SCN8A: variants seen among roughly 807,000 people sequenced by gnomAD.
SCN8A encodes sodium voltage-gated channel alpha subunit 8.
In SCN8A, 30 loss-of-function variants were observed where a neutral mutation model predicts 184.1. The ratio of observed to expected loss-of-function variants is 0.16; its 90% confidence interval spans 0.12 to 0.22. The LOEUF (loss-of-function observed/expected upper bound fraction) is 0.22, where lower values mean the gene tolerates loss of function less well. Ranked by LOEUF, SCN8A falls within the 10% of genes least tolerant of loss-of-function variation. The pLI is 1.00. For synonymous variants in SCN8A, 852 were observed against 907.0 expected (o/e 0.94, Z 1.09); for missense variants, 1,057 against 2,498.9 (o/e 0.42, Z 12.30).
Position 51,658,845 on chromosome 12 carries a change from A to G in SCN8A, c.-54-3919A>G, listed in dbSNP as rs2138665278. 2.0e-5 allele frequency among the ~76,000 whole-genome samples: 3 copies of G among 152,276 alleles called. No homozygotes were observed. In the South Asian group the frequency reaches 6.2e-4, roughly 32 times the overall value. Reference sequence around the variant, plus strand: ...AAAAATACGAGATGCTGCTATACCCACCAGAGTGGGTAAAATTCAGAAGAC... The same window carrying G: ...AAAAATACGAGATGCTGCTATACCCGCCAGAGTGGGTAAAATTCAGAAGAC... On this transcript the variant is annotated intron_variant, in intron 1 of 26. Coordinates refer to ENST00000627620, the MANE Select transcript of SCN8A (RefSeq NM_001330260.2).
intron 26 of SCN8A, among the ~76,000 whole-genome samples, chr12:51,794,992 AG>A (rs1938370064): frequency 3.9e-5 from 6 of 152,190 alleles, no homozygotes; most frequent in Admixed American, 1.3e-4. Context: ...ATAAAATGAA[AG>A]AAGGAATGAT....
chr12:51,734,903 T>A (rs763874593), intron 12 of SCN8A, among the ~76,000 whole-genome samples: 2 of 152,270 alleles, frequency 1.3e-5, no homozygotes, highest in Non-Finnish European at 2.9e-5. Flanking sequence ...TACTAGCTGC[T>A]AATTTGTCTG....
chr12:51,632,810 C>G (rs947800190), intron 1 of SCN8A, among the ~76,000 whole-genome samples: 7 of 152,122 alleles, frequency 4.6e-5, no homozygotes, highest in Non-Finnish European at 1.0e-4. Context: ...TTTGAACAAG[C>G]CTTTTTTGTT....
rs2138943594 is a variant in SCN8A at position 51,806,878 on chromosome 12, G to A, written c.5392G>A (p.Asp1798Asn). Reference protein sequence around the residue: ...FYEIWEKFDPDATQFIEYCKL... With the variant: ...FYEIWEKFDPNATQFIEYCKL... ...TGAGATCTGGGAGAAGTTCGACCCC[G>A]ATGCCACCCAGTTCATTGAGTACTG... The change falls in exon 27 of 27, where the codon GAT (aspartate) becomes AAT (asparagine). Residue 1798 changes from aspartate to asparagine, a missense_variant. By Grantham distance (23) the Asp-to-Asn change is conservative (BLOSUM62 1). Transcript: ENST00000627620. This position sits in a 1 kb window ranked among gnomAD's most constrained non-coding sequence, Gnocchi z 8.7. 7 of 1,613,578 alleles carry A rather than the reference G, an allele frequency of 4.3e-6. No individual in the cohort carries two copies. The highest frequency in any genetic ancestry group is 5.9e-6 in the Non-Finnish European group (7 of 1,179,554).
intron 11 of SCN8A, among the ~76,000 whole-genome samples, chr12:51,714,596 G>T (rs1242128836): frequency 6.6e-6 from 1 of 152,088 alleles, no homozygotes; most frequent in Non-Finnish European, 1.5e-5. Context: ...ACCTCCGGGG[G>T]TCTCCAGACC....
rs1046277796 is a variant in SCN8A at position 51,811,917 on chromosome 12, C to T, written c.*4488C>T. The T allele has an allele frequency of 6.6e-6, 1 of 152,152 alleles. No individual in the cohort carries two copies. The highest frequency in any genetic ancestry group is 2.4e-5 in the African/African-American group (1 of 41,412). 9.4% of individuals were successfully genotyped at this position (152,152 alleles called of 1,614,324 possible). A position where few individuals can be genotyped will look rare whatever the true frequency, so the allele number is the denominator to read the frequency against. On this transcript the variant is annotated 3_prime_UTR_variant, in exon 27 of 27. Coordinates refer to ENST00000627620, the MANE Select transcript of SCN8A (RefSeq NM_001330260.2). ...GCCTCTTTCTTTTCTCAGATGTTGC[C>T]CACAGTTTAGCAAAAAGCTTCGTTC...
chr12:51,757,822 A>G (rs1178587823), intron 14 of SCN8A, among the ~76,000 whole-genome samples: 5 of 152,168 alleles, frequency 3.3e-5, no homozygotes, highest in South Asian at 2.1e-4. Flanking sequence ...AACTAGAAAG[A>G]TATGATGACT....
At chr12:51,761,811 A>C (rs1303500871) in intron 14 of SCN8A, among the ~76,000 whole-genome samples, 1 of 152,116 alleles carries the variant, frequency 6.6e-6, no homozygotes, top group African/African-American at 2.4e-5. Flanking sequence ...TTATACAGGC[A>C]GTAAGAGTGA....
chr12:51,754,119 A>G (rs1942636931), intron 14 of SCN8A, among the ~76,000 whole-genome samples: 1 of 152,192 alleles, frequency 6.6e-6, no homozygotes. Flanking sequence ...AGATAATTCA[A>G]TCCAATCCAC....
intron 1 of SCN8A, among the ~76,000 whole-genome samples, chr12:51,597,990 T>C (rs966629928): frequency 1.3e-5 from 2 of 152,188 alleles, no homozygotes; most frequent in Non-Finnish European, 2.9e-5. Context: ...CAAATGAGAC[T>C]GATAGGGCAT....
At chr12:51,786,402 G>A (rs1938086571) in intron 21 of SCN8A, 140 bp from the exon 22 acceptor site, 3 of 965,440 alleles carry the variant, frequency 3.1e-6, no homozygotes, top group Non-Finnish European at 4.6e-6. Context: ...TTGTCAGTCT[G>A]TCCAGTTACT....
intron 2 of SCN8A, among the ~76,000 whole-genome samples, chr12:51,665,053 G>A (rs1941006169): frequency 6.6e-6 from 1 of 152,172 alleles, no homozygotes; most frequent in South Asian, 2.1e-4. Context: ...CCCTGCAAAG[G>A]ACATGATCTC....
In SCN8A at chr12:51,806,734, A is replaced by G. The variant is rs1938712189; in HGVS notation, c.5248A>G (p.Ile1750Val). The G allele has an allele frequency of 6.2e-7, 1 of 1,614,162 alleles. No individual in the cohort carries two copies. Among genetic ancestry groups the G allele is most frequent in the South Asian group, 1.1e-5 (1 of 91,082 alleles). Reference sequence around the variant, plus strand: ...GGGCATCTTCTTCTTTGTAAGCTACATCATCATCTCTTTCCTAATTGTCGT... The same window carrying G: ...GGGCATCTTCTTCTTTGTAAGCTACGTCATCATCTCTTTCCTAATTGTCGT... ...SVGIFFFVSYIIISFLIVVNM... is the reference protein window; with the variant it reads ...SVGIFFFVSYVIISFLIVVNM... Residue 1750 changes from isoleucine (I) to valine (V), a missense_variant, in exon 27 of 27, where the codon ATC (isoleucine) becomes GTC (valine). Ile to Val is a conservative substitution (Grantham distance 29, BLOSUM62 3). Transcript: ENST00000627620. The surrounding 1 kb of genome is among the most constrained non-coding windows in gnomAD (Gnocchi z 8.7).
chr12:51,792,722 G>A (rs1476224790), intron 25 of SCN8A, among the ~76,000 whole-genome samples: 1 of 151,882 alleles, frequency 6.6e-6, no homozygotes, highest in Non-Finnish European at 1.5e-5. Flanking sequence ...TTTTAAGTAG[G>A]GGAATGATGT....
chr12:51,677,121 G>T (rs1941236188), intron 2 of SCN8A, among the ~76,000 whole-genome samples: 1 of 138,572 alleles, frequency 7.2e-6, no homozygotes, highest in Non-Finnish European at 1.5e-5. Flanking sequence ...ACCAAGACAG[G>T]GTCCTGCTCT....
At chr12:51,614,831 T>C (rs1939799176) in intron 1 of SCN8A, among the ~76,000 whole-genome samples, 1 of 151,762 alleles carries the variant, frequency 6.6e-6, no homozygotes, top group African/African-American at 2.4e-5. Flanking sequence ...CTTCTTCTTA[T>C]TCCTTTTTGA....
At chr12:51,615,650 A>C (rs573377605) in intron 1 of SCN8A, among the ~76,000 whole-genome samples, 1 of 152,092 alleles carries the variant, frequency 6.6e-6, no homozygotes, top group African/African-American at 2.4e-5. Flanking sequence ...ATCTACATGC[A>C]TGAAAACCCA....
chr12:51,713,575 TG>T, intron 11 of SCN8A: 3 of 708,560 alleles, frequency 4.2e-6, no homozygotes, highest in South Asian at 1.6e-5. Context: ...GGAGTCGGAC[TG>T]GGGGCGACCA....
chr12:51,754,359 A>G (rs1942640938), intron 14 of SCN8A, among the ~76,000 whole-genome samples: 1 of 150,718 alleles, frequency 6.6e-6, no homozygotes, highest in Non-Finnish European at 1.5e-5. Context: ...GCCTTATCAC[A>G]TAGCCTTATC....
Sources: gnomAD v4.1 joint callset for allele counts (sites outside exome capture counted in the v4.1 genomes callset) on GRCh38, gnomAD v4.1.1 for gene constraint, Gnocchi (gnomAD v3.1) non-coding constraint, MANE v1.5 for transcripts, NCBI Gene and HGNC (gene_info 2026-07-23, HGNC 2026-07-21) for gene names.